PTPRK: variants seen among roughly 807,000 people sequenced by gnomAD.
PTPRK encodes the protein receptor-type tyrosine-protein phosphatase kappa.
A neutral mutation model predicts 178.0 loss-of-function variants in PTPRK; 75 were observed. The ratio of observed to expected loss-of-function variants is 0.42; its 90% confidence interval spans 0.35 to 0.51. PTPRK has a LOEUF of 0.51. Ranked by LOEUF, PTPRK falls within the 20% of genes least tolerant of loss-of-function variation. PTPRK has a pLI of 0.02. For missense variants in PTPRK, 1,441 were observed against 1,797.8 expected (o/e 0.80, Z 3.59); for synonymous variants, 637 against 620.6 (o/e 1.03, Z -0.39).
Position 127,981,053 on chromosome 6 carries a change from T to C in PTPRK, c.3711+63A>G, listed in dbSNP as rs1775286583. 5.0e-6 allele frequency: 7 copies of C among 1,386,424 alleles called. No homozygotes were observed. The Admixed American group carries it at 1.5e-4, about 30-fold the overall frequency. 85.9% of individuals were successfully genotyped at this position (1,386,424 alleles called of 1,614,324 possible). On this transcript the variant is annotated intron_variant, in intron 25 of 29. Transcript: ENST00000368226. ...TTTCCTCGAAAAGAAAACTAGCCAG[T>C]GTTCAGTTGCATTATGTAGCTTTCC...
intron 2 of PTPRK, among the ~76,000 whole-genome samples, chr6:128,396,970 C>T (rs1202041692): frequency 6.6e-6 from 1 of 152,140 alleles, no homozygotes; most frequent in Non-Finnish European, 1.5e-5. Context: ...TGCATTCCAG[C>T]CTGGGTGACA....
At chr6:128,165,010 C>T (rs1387889646) in intron 7 of PTPRK, among the ~76,000 whole-genome samples, 2 of 151,164 alleles carry the variant, frequency 1.3e-5, no homozygotes, top group Non-Finnish European at 3.0e-5. Context: ...AACAGTCCTT[C>T]ATACAAATTT....
At position 128,336,946 on chromosome 6, in the gene PTPRK, G is replaced by A. The variant is rs534552850; in HGVS notation, c.224-14636C>T. On this transcript the variant is annotated intron_variant, in intron 2 of 29. Coordinates refer to ENST00000368226, the MANE Select transcript of PTPRK (RefSeq NM_002844.4). ...TTCCATCTGGTGCTCAAAAATCCTC[G>A]CAAACTTGGTCCATAAAAACCTTGC... 4.6e-5 allele frequency among the ~76,000 whole-genome samples: 7 copies of A among 152,100 alleles called. No homozygotes were observed. In the South Asian group the frequency reaches 1.2e-3, roughly 27 times the overall value.
chr6:128,215,028 A>C (rs1223073427), intron 6 of PTPRK, among the ~76,000 whole-genome samples: 1 of 152,218 alleles, frequency 6.6e-6, no homozygotes, highest in Non-Finnish European at 1.5e-5. Context: ...GATAATGACT[A>C]GTAATTGACA....
intron 3 of PTPRK, among the ~76,000 whole-genome samples, chr6:128,256,596 C>G (rs749638714): frequency 1.3e-5 from 2 of 151,874 alleles, no homozygotes; most frequent in Admixed American, 6.6e-5. Context: ...TGCCACCACA[C>G]CTGGCTAATT....
At chr6:128,432,591 A>G (rs776018309) in intron 1 of PTPRK, among the ~76,000 whole-genome samples, 3 of 152,206 alleles carry the variant, frequency 2.0e-5, no homozygotes, top group Non-Finnish European at 4.4e-5. Flanking sequence ...TTCAGTCCCA[A>G]GATAAAACTA....
chr6:128,171,414 T>C (rs117197386), intron 7 of PTPRK, among the ~76,000 whole-genome samples: 2,897 of 152,074 alleles, frequency 0.019, 38 homozygotes, highest in Middle Eastern at 0.041. Context: ...ATGGAAAATG[T>C]CTAACTCTCT....
chr6:128,265,196 C>T (rs1355551430), intron 3 of PTPRK, among the ~76,000 whole-genome samples: 1 of 152,074 alleles, frequency 6.6e-6, no homozygotes. Context: ...CAAAGATCTA[C>T]ACAATTACCC....
chr6:127,999,373 G>A (rs1469278137), intron 15 of PTPRK, among the ~76,000 whole-genome samples: 5 of 151,908 alleles, frequency 3.3e-5, no homozygotes, highest in South Asian at 2.1e-4. Flanking sequence ...TCTTGTTCTC[G>A]TGGCCCTATT....
At chr6:128,086,331 C>T (rs1785816723) in intron 8 of PTPRK, among the ~76,000 whole-genome samples, 1 of 152,048 alleles carries the variant, frequency 6.6e-6, no homozygotes, top group African/African-American at 2.4e-5. Context: ...CCAAACCAGG[C>T]TTTTCTGCTG....
chr6:128,267,822 T>C (rs1014603834), intron 3 of PTPRK, among the ~76,000 whole-genome samples: 1 of 152,024 alleles, frequency 6.6e-6, no homozygotes, highest in Non-Finnish European at 1.5e-5. Flanking sequence ...CAGCAGAATA[T>C]GAGTTTAAAT....
At chr6:128,132,375 C>CGT (rs1794385619) in intron 7 of PTPRK, among the ~76,000 whole-genome samples, 1 of 152,156 alleles carries the variant, frequency 6.6e-6, no homozygotes, top group Non-Finnish European at 1.5e-5. Flanking sequence ...GGGGTTTCAC[C>CGT]ATTAGCCAGG....
intron 3 of PTPRK, among the ~76,000 whole-genome samples, chr6:128,244,534 G>C (rs1815105663): frequency 6.6e-6 from 1 of 152,150 alleles, no homozygotes; most frequent in Non-Finnish European, 1.5e-5. Context: ...AAAAGGATTA[G>C]GAAAGGCCAG....
At chr6:128,503,903 A>AT (rs1021462353) in intron 1 of PTPRK, among the ~76,000 whole-genome samples, 1 of 146,932 alleles carries the variant, frequency 6.8e-6, no homozygotes, top group East Asian at 2.0e-4. Flanking sequence ...AGGTCTTGCT[A>AT]TTTTGCCTAC....
intron 1 of PTPRK, among the ~76,000 whole-genome samples, chr6:128,480,238 C>T (rs751745056): frequency 1.3e-5 from 2 of 152,148 alleles, no homozygotes; most frequent in Admixed American, 6.6e-5. Context: ...ATTCCCCTTT[C>T]GCGCTTGTTC....
chr6:128,018,774 A>C (rs1310013169), intron 13 of PTPRK, among the ~76,000 whole-genome samples: 3 of 152,126 alleles, frequency 2.0e-5, no homozygotes, highest in Non-Finnish European at 4.4e-5. Flanking sequence ...TGCACCATAA[A>C]TATTATAGCA....
chr6:128,061,019 G>C (rs1780711892), intron 13 of PTPRK, among the ~76,000 whole-genome samples: 1 of 152,022 alleles, frequency 6.6e-6, no homozygotes, highest in Admixed American at 6.6e-5. Flanking sequence ...AATATTTATT[G>C]TATCTAATAT....
At chr6:128,068,190 A>G (rs568242581) in intron 11 of PTPRK, among the ~76,000 whole-genome samples, 1 of 152,346 alleles carries the variant, frequency 6.6e-6, no homozygotes, top group African/African-American at 2.4e-5. Flanking sequence ...CAGAAAGTCC[A>G]GCTCCAAGGT....
chr6:128,511,528 C>T (rs886278588), intron 1 of PTPRK, among the ~76,000 whole-genome samples: 2 of 152,044 alleles, frequency 1.3e-5, no homozygotes, highest in African/African-American at 2.4e-5. Flanking sequence ...CCACAGCCAT[C>T]GTGCCTCTAT....
Sources: gnomAD v4.1 joint callset for allele counts (sites outside exome capture counted in the v4.1 genomes callset) on GRCh38, gnomAD v4.1.1 for gene constraint, MANE v1.5 for transcripts, NCBI Gene and HGNC (gene_info 2026-07-23, HGNC 2026-07-21) for gene names.